The following CNTNAP5 variants were observed in gnomAD, a reference collection of about 807,000 sequenced individuals.
CNTNAP5 encodes the protein contactin-associated protein-like 5.
In CNTNAP5, 72 loss-of-function variants were observed where a neutral mutation model predicts 150.2. The ratio of observed to expected loss-of-function variants is 0.48; its 90% CI spans 0.40 to 0.58. The LOEUF (loss-of-function observed/expected upper bound fraction) is 0.58, where lower values mean the gene tolerates loss of function less well. Ranked by LOEUF, CNTNAP5 falls within the 20% of genes least tolerant of loss-of-function variation. The pLI is 0.00. For missense variants in CNTNAP5, 1,636 were observed against 1,626.2 expected, an observed-to-expected ratio of 1.01 and a Z score of -0.10; for synonymous variants, 672 against 619.8, an observed-to-expected ratio of 1.08 and a Z score of -1.25.
chr2:124,522,326 T>A (rs996899634), intron 8 of CNTNAP5, among the ~76,000 whole-genome samples: 3 of 152,214 alleles, frequency 2.0e-5, no homozygotes, highest in African/African-American at 7.2e-5. Context: ...ATCCATCACT[T>A]ACTTTGCATT....
At chr2:124,578,736 G>C (rs1024889759) in intron 11 of CNTNAP5, among the ~76,000 whole-genome samples, 1 of 152,106 alleles carries the variant, frequency 6.6e-6, no homozygotes, top group African/African-American at 2.4e-5. Context: ...TCACACCACT[G>C]CATTCCAGCC....
chr2:124,204,211 G>A (rs1455991250), intron 1 of CNTNAP5, among the ~76,000 whole-genome samples: 1 of 152,172 alleles, frequency 6.6e-6, no homozygotes, highest in Non-Finnish European at 1.5e-5. Flanking sequence ...ATCTAGGACA[G>A]GGGCAAAATG....
intron 5 of CNTNAP5, among the ~76,000 whole-genome samples, chr2:124,435,488 A>G (rs1692508630): frequency 6.6e-6 from 1 of 152,206 alleles, no homozygotes; most frequent in African/African-American, 2.4e-5. Context: ...CTTCTATAGA[A>G]AAAAGAAAGA....
chr2:124,303,319 G>A (rs1189305076), intron 3 of CNTNAP5, among the ~76,000 whole-genome samples: 2 of 152,158 alleles, frequency 1.3e-5, no homozygotes, highest in African/African-American at 2.4e-5. Context: ...TGTAAACTAT[G>A]TATTCAGTCA....
chr2:124,796,068 T>C (rs1433762967), intron 18 of CNTNAP5, among the ~76,000 whole-genome samples: 1 of 152,080 alleles, frequency 6.6e-6, no homozygotes, highest in African/African-American at 2.4e-5. Context: ...TACAAGAAAC[T>C]GAAAGAATAA....
chr2:124,383,381 C>G (rs1690849244), intron 3 of CNTNAP5, among the ~76,000 whole-genome samples: 1 of 152,196 alleles, frequency 6.6e-6, no homozygotes, highest in Admixed American at 6.5e-5. Flanking sequence ...TTCTTCCTAA[C>G]TTTCCAGCTT....
chr2:124,376,279 A>G (rs555853125), intron 3 of CNTNAP5, among the ~76,000 whole-genome samples: 4 of 152,250 alleles, frequency 2.6e-5, no homozygotes, highest in East Asian at 3.9e-4. Flanking sequence ...TTGAAAATCT[A>G]TAATGAGGAA....
At chr2:124,617,687 C>T (rs763939091) in intron 12 of CNTNAP5, among the ~76,000 whole-genome samples, 8 of 152,048 alleles carry the variant, frequency 5.3e-5, no homozygotes, top group Non-Finnish European at 1.2e-4. Flanking sequence ...GTTAGGACTT[C>T]AATATATTAT....
chr2:124,279,224 AGT>A (rs10564494), intron 3 of CNTNAP5, among the ~76,000 whole-genome samples: 52,416 of 149,858 alleles, frequency 0.35, 9,321 homozygotes, highest in South Asian at 0.53. Flanking sequence ...AACTGTAGGA[AGT>A]GTGTGTGTGT....
intron 18 of CNTNAP5, 122 bp from the exon 19 acceptor site, chr2:124,797,974 C>A (rs1573624034): frequency 1.5e-6 from 1 of 648,778 alleles, no homozygotes; most frequent in South Asian, 1.9e-5. Context: ...AACATGTTGT[C>A]TGATGCATGT....
intron 11 of CNTNAP5, among the ~76,000 whole-genome samples, chr2:124,583,227 C>A (rs1696453905): frequency 6.6e-6 from 1 of 152,210 alleles, no homozygotes; most frequent in Non-Finnish European, 1.5e-5. Context: ...TGACCTCTGG[C>A]CCTGCACCAT....
intron 13 of CNTNAP5, among the ~76,000 whole-genome samples, chr2:124,661,072 A>T (rs1678579549): frequency 1.3e-5 from 2 of 152,108 alleles, no homozygotes. Flanking sequence ...TGATGTGTGA[A>T]TGTGAAGGTC....
At chr2:124,271,658 AATCTATCTATCTATCTATCT>A (rs147548369) in intron 3 of CNTNAP5, among the ~76,000 whole-genome samples, 2 of 141,426 alleles carry the variant, frequency 1.4e-5, no homozygotes, top group African/African-American at 5.4e-5. Flanking sequence ...GTTTTTTTTT[AATCTATCTATCTATCTATCT>A]ATCTATCTAT....
chr2:124,889,077 GC>G (rs1410222972), intron 21 of CNTNAP5, among the ~76,000 whole-genome samples: 3 of 116,432 alleles, frequency 2.6e-5, no homozygotes, highest in Admixed American at 8.7e-5. Context: ...TTGAGGTCTA[GC>G]TTTTTTTTTT....
chr2:124,687,620 A>T (rs565835762), intron 13 of CNTNAP5, among the ~76,000 whole-genome samples: 6 of 152,116 alleles, frequency 3.9e-5, no homozygotes, highest in African/African-American at 1.4e-4. Flanking sequence ...TTCAGAAAGG[A>T]TGGTACTTCC....
chr2:124,883,961 T>C (rs886187493), intron 21 of CNTNAP5, among the ~76,000 whole-genome samples: 6 of 152,014 alleles, frequency 3.9e-5, no homozygotes, highest in African/African-American at 1.2e-4. Context: ...TGTACACATA[T>C]GTTTCTTTCT....
At chr2:124,623,018 T>C (rs934034962) in intron 12 of CNTNAP5, among the ~76,000 whole-genome samples, 1 of 152,174 alleles carries the variant, frequency 6.6e-6, no homozygotes, top group Non-Finnish European at 1.5e-5. Context: ...AGGATACCAA[T>C]TATAGCTGTC....
chr2:124,029,583 G>A (rs553749877), intron 1 of CNTNAP5, among the ~76,000 whole-genome samples: 14 of 152,018 alleles, frequency 9.2e-5, no homozygotes, highest in African/African-American at 1.7e-4. Flanking sequence ...GTTTTATTAC[G>A]AAAACCTTAC....
chr2:124,645,575 T>C (rs1291604301), intron 12 of CNTNAP5, among the ~76,000 whole-genome samples: 1 of 152,076 alleles, frequency 6.6e-6, no homozygotes, highest in Admixed American at 6.6e-5. Context: ...ATCTAAACAA[T>C]AAAATATAAC....
Sources: gnomAD v4.1 joint callset for allele counts (sites outside exome capture counted in the v4.1 genomes callset) on GRCh38, gnomAD v4.1.1 for gene constraint, MANE v1.5 for transcripts, NCBI Gene and HGNC (gene_info 2026-07-23, HGNC 2026-07-21) for gene names.